Variants in SHISA9 observed in about 807,000 individuals in gnomAD.
SHISA9 encodes the protein shisa family member 9.
SHISA9 carries 13 observed loss-of-function variants against 38.0 expected under a neutral mutation model. The observed-to-expected ratio is 0.34, with a 90% confidence interval of 0.22 to 0.54. SHISA9 has a LOEUF of 0.54. SHISA9 is among the 20% of genes least tolerant of loss of function. SHISA9 has a pLI of 0.91. For synonymous variants in SHISA9, 275 were observed against 242.0 expected, an observed-to-expected ratio of 1.14 and a Z score of -1.27; for missense variants, 538 against 575.8, an observed-to-expected ratio of 0.93 and a Z score of 0.67.
chr16:13,064,912 C>A (rs906068399), intron 2 of SHISA9, among the ~76,000 whole-genome samples: 3 of 152,050 alleles, frequency 2.0e-5, no homozygotes, highest in Admixed American at 2.0e-4. Flanking sequence ...TGGGGAGGGG[C>A]AGCCTCACTG....
chr16:12,970,370 CATAT>C (rs1254256597), intron 2 of SHISA9, among the ~76,000 whole-genome samples: 6 of 55,712 alleles, frequency 1.1e-4, no homozygotes, highest in African/African-American at 3.2e-4. Context: ...TATATATATA[CATAT>C]ATATATACAT....
At chr16:13,281,073 A>AT in the SHISA9 span, among the ~76,000 whole-genome samples, 12 of 151,758 alleles carry the variant, frequency 7.9e-5, no homozygotes, top group Non-Finnish European at 1.0e-4. Flanking sequence ...CATTATTTAC[A>AT]TTTTCTCATT....
At chr16:12,931,107 G>A (rs2071456006) in intron 2 of SHISA9, among the ~76,000 whole-genome samples, 1 of 152,152 alleles carries the variant, frequency 6.6e-6, no homozygotes, top group African/African-American at 2.4e-5. Context: ...ACGAATGCTG[G>A]GAGCATCCCC....
chr16:13,094,190 C>T (rs938011699), intron 2 of SHISA9, among the ~76,000 whole-genome samples: 1 of 152,162 alleles, frequency 6.6e-6, no homozygotes, highest in Admixed American at 6.5e-5. Flanking sequence ...AATTTCCCAA[C>T]CGTGCTCCTC....
intron 2 of SHISA9, among the ~76,000 whole-genome samples, chr16:12,978,282 G>A (rs1034507626): frequency 6.6e-6 from 1 of 152,194 alleles, no homozygotes; most frequent in African/African-American, 2.4e-5. Flanking sequence ...AAATGAGCAT[G>A]ACTTCTAGTC....
At position 13,236,300 on chromosome 16, in the gene SHISA9, T is replaced by TG. The variant is rs1042941037; in HGVS notation, c.*892dup. 6.2e-5 allele frequency: 3 copies of TG among 48,336 alleles called. No homozygotes were observed. The highest frequency in any genetic ancestry group is 1.0e-4 in the African/African-American group (1 of 9,866). The allele number at this position is 48,336 out of a possible 1,614,324, so 3.0% of individuals were successfully genotyped here. ...AAACAGATAAAAACGGCAAATTAGG[T>TG]GTTTTTTTTTTTTCAAAAATCTTGA... On this transcript the variant is annotated 3_prime_UTR_variant, in exon 5 of 5. Transcript: ENST00000558583.
chr16:13,280,044 A>G, the SHISA9 span, among the ~76,000 whole-genome samples: 3 of 150,386 alleles, frequency 2.0e-5, no homozygotes, highest in South Asian at 2.1e-4. Context: ...TGCTTTAAAT[A>G]TTCATGGGAT....
chr16:13,342,868 C>T, the SHISA9 span, among the ~76,000 whole-genome samples: 1 of 152,186 alleles, frequency 6.6e-6, no homozygotes, highest in Non-Finnish European at 1.5e-5. Flanking sequence ...AAGGGCTACA[C>T]ACCTGAGCAG....
the SHISA9 span, among the ~76,000 whole-genome samples, chr16:13,511,739 A>G: frequency 6.6e-6 from 1 of 152,130 alleles, no homozygotes; most frequent in Non-Finnish European, 1.5e-5. Context: ...CAGAGAGACC[A>G]AGATAACTGC....
chr16:13,360,030 G>C, the SHISA9 span, among the ~76,000 whole-genome samples: 3 of 152,156 alleles, frequency 2.0e-5, no homozygotes, highest in Non-Finnish European at 4.4e-5. Flanking sequence ...CTGTACCTTG[G>C]GGAACTTGAC....
chr16:12,987,602 G>T (rs1485890143), intron 2 of SHISA9, among the ~76,000 whole-genome samples: 1 of 152,152 alleles, frequency 6.6e-6, no homozygotes, highest in African/African-American at 2.4e-5. Flanking sequence ...CAGGGAAGCT[G>T]GGGGAGGGAG....
At chr16:13,339,808 T>A in the SHISA9 span, among the ~76,000 whole-genome samples, 1 of 152,214 alleles carries the variant, frequency 6.6e-6, no homozygotes, top group Non-Finnish European at 1.5e-5. Context: ...TAGTTTTCCA[T>A]AATGTGGAGA....
At chr16:13,148,891 C>T (rs570261334) in intron 2 of SHISA9, among the ~76,000 whole-genome samples, 8 of 152,120 alleles carry the variant, frequency 5.3e-5, no homozygotes, top group Admixed American at 3.9e-4. Context: ...ATTTTTAGCT[C>T]CCCCGAGGTT....
At chr16:13,360,348 C>G in the SHISA9 span, among the ~76,000 whole-genome samples, 3 of 152,178 alleles carry the variant, frequency 2.0e-5, no homozygotes, top group Non-Finnish European at 2.9e-5. Flanking sequence ...GGCTATGTCA[C>G]CACCCAAATC....
At chr16:13,357,958 C>A in the SHISA9 span, among the ~76,000 whole-genome samples, 2 of 152,210 alleles carry the variant, frequency 1.3e-5, no homozygotes, top group South Asian at 4.2e-4. Context: ...AGGGCATATT[C>A]ACTTCTTTTG....
At chr16:13,556,680 A>G in the SHISA9 span, among the ~76,000 whole-genome samples, 1 of 152,072 alleles carries the variant, frequency 6.6e-6, no homozygotes, top group African/African-American at 2.4e-5. Flanking sequence ...TAAAAAATAA[A>G]ATAAACAAAC....
the SHISA9 span, among the ~76,000 whole-genome samples, chr16:13,361,958 T>A: frequency 2.0e-5 from 3 of 151,764 alleles, no homozygotes; most frequent in African/African-American, 7.3e-5. Flanking sequence ...GGCTTTGGAG[T>A]CAGAGAGACC....
At chr16:13,204,506 C>T (rs1425644545) in intron 3 of SHISA9, among the ~76,000 whole-genome samples, 1 of 152,194 alleles carries the variant, frequency 6.6e-6, no homozygotes, top group Non-Finnish European at 1.5e-5. Context: ...GAATCTAGGT[C>T]TCTCCATCCC....
At chr16:13,088,003 G>A (rs1316491256) in intron 2 of SHISA9, among the ~76,000 whole-genome samples, 2 of 152,154 alleles carry the variant, frequency 1.3e-5, no homozygotes, top group African/African-American at 4.8e-5. Context: ...TTTGTATAAG[G>A]TGTAAGGAAG....
Sources: allele counts gnomAD v4.1 joint callset (sites outside exome capture counted in the v4.1 genomes callset), GRCh38; gene constraint gnomAD v4.1.1; transcripts MANE v1.5; gene names NCBI Gene and HGNC (gene_info 2026-07-23, HGNC 2026-07-21).